OTUD7B: variants seen among roughly 807,000 people sequenced by gnomAD.
OTUD7B encodes the protein OTU domain-containing protein 7B.
Under a neutral mutation model 82.2 loss-of-function variants are expected in OTUD7B, and 34 were observed. That is an observed-to-expected ratio of 0.41 (90% confidence interval 0.31 to 0.55). The LOEUF is 0.55. Ranked by LOEUF, OTUD7B falls within the 20% of genes least tolerant of loss-of-function variation. The probability of loss-of-function intolerance (pLI) is 0.20; values close to 1 mark genes in which losing one functional copy is unlikely to be tolerated. For synonymous variants in OTUD7B, 398 were observed against 402.7 expected, an observed-to-expected ratio of 0.99 and a Z score of 0.14; for missense variants, 944 against 1,062.1, an observed-to-expected ratio of 0.89 and a Z score of 1.55.
At chr1:150,057,782 A>G in the OTUD7B span, among the ~76,000 whole-genome samples, 1 of 152,258 alleles carries the variant, frequency 6.6e-6, no homozygotes, top group Admixed American at 6.5e-5. Context: ...GATTTGTCCA[A>G]TAAAGTACTT....
At chr1:149,979,268 G>A (rs73011904) in intron 1 of OTUD7B, among the ~76,000 whole-genome samples, 3,190 of 152,022 alleles carry the variant, frequency 0.021, 91 homozygotes, top group African/African-American at 0.07. Context: ...GAAATTCTAC[G>A]GCACTTCTTA....
intron 4 of OTUD7B, 45 bp from the exon 5 acceptor site, chr1:149,965,923 C>G: frequency 6.7e-7 from 1 of 1,491,324 alleles, no homozygotes; most frequent in Non-Finnish European, 9.3e-7. Context: ...ATCCATGAAG[C>G]CCTTCCACCT....
At chr1:149,977,895 A>G (rs1571675006) in intron 1 of OTUD7B, among the ~76,000 whole-genome samples, 1 of 152,184 alleles carries the variant, frequency 6.6e-6, no homozygotes, top group Non-Finnish European at 1.5e-5. Context: ...CTACCACCCT[A>G]AAGAACTCCC....
chr1:149,980,941 A>G (rs1650678471), intron 1 of OTUD7B, among the ~76,000 whole-genome samples: 1 of 145,254 alleles, frequency 6.9e-6, no homozygotes, highest in African/African-American at 2.6e-5. Flanking sequence ...TGAGCCTGGG[A>G]GGTCAAGGCT....
intron 1 of OTUD7B, among the ~76,000 whole-genome samples, chr1:149,987,773 T>C (rs1357158496): frequency 6.6e-6 from 1 of 152,200 alleles, no homozygotes; most frequent in African/African-American, 2.4e-5. Context: ...ATCCAGTGTC[T>C]TTCAACTCAA....
intron 6 of OTUD7B, 102 bp downstream of exon 6, chr1:149,964,120 C>A (rs1218723682): frequency 1.5e-6 from 2 of 1,363,198 alleles, no homozygotes; most frequent in African/African-American, 2.9e-5. Flanking sequence ...GGGAGTCACA[C>A]TGACCTAAAC....
At chr1:149,953,864 T>C (rs1648460029) in intron 7 of OTUD7B, among the ~76,000 whole-genome samples, 2 of 152,304 alleles carry the variant, frequency 1.3e-5, no homozygotes, top group Admixed American at 1.3e-4. Context: ...ATTATTGGTG[T>C]ATAGGAATGC....
chr1:150,035,181 T>C, the OTUD7B span, among the ~76,000 whole-genome samples: 1 of 151,236 alleles, frequency 6.6e-6, no homozygotes. Context: ...AGAGTACTAA[T>C]ACAGTACACT....
the OTUD7B span, among the ~76,000 whole-genome samples, chr1:150,053,688 G>A: frequency 6.6e-6 from 1 of 151,998 alleles, no homozygotes; most frequent in African/African-American, 2.4e-5. Flanking sequence ...GAGCCACCAC[G>A]CACGGCTGAA....
At position 149,943,853 on chromosome 1, in the gene OTUD7B, C is replaced by G; in HGVS notation, c.*4G>C. ...GCCTCCTTGCCCTTCAGTGTTCCAC[C>G]CGTTCAGAACCTGTGCACCAGGAGC... is the stretch of plus-strand genomic sequence containing the variant. On this transcript the variant is annotated 3_prime_UTR_variant, in exon 12 of 12. Coordinates refer to ENST00000581312, the MANE Select transcript of OTUD7B (RefSeq NM_020205.4). The G allele has an allele frequency of 6.2e-7, 1 of 1,613,478 alleles. No homozygotes were observed. The highest frequency in any genetic ancestry group is 8.5e-7 in the Non-Finnish European group (1 of 1,179,626).
At chr1:149,958,198 A>G (rs1322546220) in intron 7 of OTUD7B, among the ~76,000 whole-genome samples, 2 of 151,756 alleles carry the variant, frequency 1.3e-5, no homozygotes, top group Admixed American at 6.6e-5. Context: ...CCTCAGATCT[A>G]TTTACCTACC....
At chr1:149,984,388 G>C (rs1650992930) in intron 1 of OTUD7B, among the ~76,000 whole-genome samples, 8 of 152,128 alleles carry the variant, frequency 5.3e-5, no homozygotes, top group Admixed American at 5.2e-4. Context: ...GAATGGCACT[G>C]GCTTATATAT....
the OTUD7B span, among the ~76,000 whole-genome samples, chr1:150,059,793 G>GA: frequency 2.0e-5 from 3 of 151,692 alleles, no homozygotes; most frequent in Non-Finnish European, 4.4e-5. Context: ...CAAAGAGAGG[G>GA]AAAAAAAGAA....
the OTUD7B span, among the ~76,000 whole-genome samples, chr1:150,040,713 C>CTT: frequency 0.05 from 7,323 of 145,312 alleles, 581 homozygotes; most frequent in African/African-American, 0.15. Context: ...CTTTTCTTTC[C>CTT]TTTTTTTTTT....
At chr1:149,990,520 A>T (rs1651486904) in intron 1 of OTUD7B, among the ~76,000 whole-genome samples, 1 of 152,240 alleles carries the variant, frequency 6.6e-6, no homozygotes, top group African/African-American at 2.4e-5. Context: ...AAATAGGTCT[A>T]TATGAATAAA....
the OTUD7B span, among the ~76,000 whole-genome samples, chr1:150,042,843 A>T: frequency 1.3e-5 from 2 of 152,238 alleles, no homozygotes; most frequent in Non-Finnish European, 2.9e-5. Flanking sequence ...GAAAAATTAT[A>T]TATCACTATG....
At chr1:149,966,320 G>A (rs994865946) in intron 4 of OTUD7B, among the ~76,000 whole-genome samples, 5 of 152,194 alleles carry the variant, frequency 3.3e-5, no homozygotes, top group African/African-American at 9.6e-5. Flanking sequence ...ACTGTTGACT[G>A]CTTGGACTGG....
the OTUD7B span, among the ~76,000 whole-genome samples, chr1:150,037,849 G>A: frequency 9.9e-5 from 15 of 151,654 alleles, no homozygotes; most frequent in Admixed American, 5.9e-4. Context: ...TCTAACAAAC[G>A]AATATATTTA....
the OTUD7B span, among the ~76,000 whole-genome samples, chr1:150,029,881 C>T: frequency 6.6e-6 from 1 of 152,178 alleles, no homozygotes; most frequent in African/African-American, 2.4e-5. Flanking sequence ...CCACACCCCT[C>T]TTTTAGCACC....
Sources: gnomAD v4.1 joint callset for allele counts (sites outside exome capture counted in the v4.1 genomes callset) on GRCh38, gnomAD v4.1.1 for gene constraint, MANE v1.5 for transcripts, NCBI Gene and HGNC (gene_info 2026-07-23, HGNC 2026-07-21) for gene names.